The following DAB1 variants were observed in gnomAD, a reference collection of about 807,000 sequenced individuals.
DAB1 encodes DAB adaptor protein 1, also known as disabled homolog 1.
DAB1 carries 15 observed loss-of-function variants against 64.6 expected under a neutral mutation model. The observed-to-expected ratio is 0.23, with a 90% confidence interval of 0.16 to 0.36. The LOEUF is 0.36. DAB1 is among the 10% of genes least tolerant of loss of function. The probability of loss-of-function intolerance (pLI) is 1.00; values close to 1 mark genes in which losing one functional copy is unlikely to be tolerated. For missense variants in DAB1, 596 were observed against 706.7 expected, an observed-to-expected ratio of 0.84 and a Z score of 1.78; for synonymous variants, 235 against 251.9, an observed-to-expected ratio of 0.93 and a Z score of 0.64.
intron 3 of DAB1, among the ~76,000 whole-genome samples, chr1:58,429,374 C>T (rs1175733609): frequency 2.6e-5 from 4 of 152,118 alleles, no homozygotes; most frequent in Non-Finnish European, 5.9e-5. Flanking sequence ...GTATTATGTT[C>T]GAGAGCACTT....
chr1:57,298,303 T>C (rs1570204144), intron 1 of DAB1, among the ~76,000 whole-genome samples: 1 of 152,230 alleles, frequency 6.6e-6, no homozygotes, highest in East Asian at 1.9e-4. Flanking sequence ...GTGTGAAAGG[T>C]ACAAGTGCTA....
intron 5 of DAB1, among the ~76,000 whole-genome samples, chr1:58,075,330 A>AG (rs1426949018): frequency 6.6e-6 from 1 of 152,182 alleles, no homozygotes; most frequent in African/African-American, 2.4e-5. Context: ...TCCCCGTGAA[A>AG]GATAAGTGTG....
chr1:57,998,018 AAAG>A (rs1274319166), intron 5 of DAB1, among the ~76,000 whole-genome samples: 1 of 152,146 alleles, frequency 6.6e-6, no homozygotes, highest in Non-Finnish European at 1.5e-5. Context: ...CCTGTCTTCT[AAAG>A]AATAAAGGTA....
At chr1:58,208,237 G>A (rs1468383222) in intron 4 of DAB1, among the ~76,000 whole-genome samples, 6 of 152,106 alleles carry the variant, frequency 3.9e-5, no homozygotes, top group African/African-American at 9.7e-5. Context: ...AGTGGAATTC[G>A]AATTCAATCT....
chr1:58,145,379 G>A (rs1390303564), intron 5 of DAB1, among the ~76,000 whole-genome samples: 1 of 152,200 alleles, frequency 6.6e-6, no homozygotes, highest in Non-Finnish European at 1.5e-5. Flanking sequence ...ACGCATCTCT[G>A]TCTCGGTTTC....
chr1:57,668,094 T>C (rs1008090044), intron 6 of DAB1, among the ~76,000 whole-genome samples: 6 of 152,148 alleles, frequency 3.9e-5, no homozygotes, highest in African/African-American at 1.4e-4. Context: ...TTTTTACTTT[T>C]AATTTTAATT....
chr1:57,727,356 G>A (rs772362233), intron 6 of DAB1, among the ~76,000 whole-genome samples: 5 of 152,306 alleles, frequency 3.3e-5, no homozygotes, highest in African/African-American at 7.2e-5. Context: ...AACTTTGTGG[G>A]CACCCACAGG....
intron 7 of DAB1, among the ~76,000 whole-genome samples, chr1:57,571,156 C>G (rs981495631): frequency 5.9e-5 from 9 of 152,168 alleles, no homozygotes; most frequent in African/African-American, 2.4e-5. Context: ...AAAAGAGTGA[C>G]AGTTTGACTT....
intron 14 of DAB1, among the ~76,000 whole-genome samples, chr1:56,999,974 A>G (rs1645785194): frequency 6.6e-6 from 1 of 151,786 alleles, no homozygotes; most frequent in Non-Finnish European, 1.5e-5. Context: ...GTCTGATGAC[A>G]GAAAAGTACG....
intron 2 of DAB1, among the ~76,000 whole-genome samples, chr1:58,507,809 A>G (rs1646012879): frequency 6.6e-6 from 1 of 152,182 alleles, no homozygotes; most frequent in Non-Finnish European, 1.5e-5. Context: ...CACATTCACA[A>G]TAAAAATACA....
intron 5 of DAB1, among the ~76,000 whole-genome samples, chr1:58,007,807 C>CA (rs2100421358): frequency 1.3e-5 from 2 of 152,086 alleles, no homozygotes; most frequent in Admixed American, 6.5e-5. Context: ...ATAGACAGTG[C>CA]AAAAAAATAC....
chr1:58,348,150 A>C (rs966612479), intron 3 of DAB1, among the ~76,000 whole-genome samples: 41 of 152,182 alleles, frequency 2.7e-4, no homozygotes, highest in African/African-American at 9.9e-4. Context: ...GAACCAACCA[A>C]CATGGGACCT....
At chr1:58,135,334 T>C (rs1033117011) in intron 5 of DAB1, among the ~76,000 whole-genome samples, 2 of 152,238 alleles carry the variant, frequency 1.3e-5, no homozygotes, top group Non-Finnish European at 2.9e-5. Context: ...GAGGTTATTA[T>C]AGACAATCAA....
chr1:57,930,810 G>T (rs1486954411), intron 5 of DAB1, among the ~76,000 whole-genome samples: 1 of 152,024 alleles, frequency 6.6e-6, no homozygotes, highest in Non-Finnish European at 1.5e-5. Flanking sequence ...TCCAAACAAA[G>T]ACAGTTCTTT....
chr1:58,082,636 A>G (rs993500156), intron 5 of DAB1, among the ~76,000 whole-genome samples: 36 of 152,112 alleles, frequency 2.4e-4, no homozygotes, highest in African/African-American at 8.7e-4. Flanking sequence ...TTCCCCTGAC[A>G]TGACCCTTGG....
chr1:57,640,206 G>A (rs776725120), intron 7 of DAB1, among the ~76,000 whole-genome samples: 1 of 152,138 alleles, frequency 6.6e-6, no homozygotes, highest in Non-Finnish European at 1.5e-5. Flanking sequence ...TGCCAAAAAG[G>A]AAGTTGAAAT....
intron 6 of DAB1, among the ~76,000 whole-genome samples, chr1:57,751,714 G>A (rs138866508): frequency 3.9e-4 from 60 of 152,190 alleles, no homozygotes; most frequent in African/African-American, 1.4e-3. Flanking sequence ...GACAATTATC[G>A]GGGGCAGTTA....
rs779589162 is a variant in DAB1 at position 58,523,596 on chromosome 1, T to C, written n.107+3665A>G. Among the ~76,000 whole-genome samples the C allele has an allele frequency of 5.5e-4, 84 of 152,188 alleles. 1 individual carries two copies. Among genetic ancestry groups the C allele is most frequent in the Middle Eastern group, 6.8e-3 (2 of 294 alleles). On this transcript the variant is annotated intron_variant and non_coding_transcript_variant, in intron 2 of 20. Coordinates refer to the DAB1 transcript ENST00000485760. ...TCCAGGTGACCAGAGGAATTGAGAA[T>C]GTAAAAAGAACTGGCAGTCCTGGCC...
chr1:57,444,075 C>T (rs902404402), intron 7 of DAB1, among the ~76,000 whole-genome samples: 3 of 152,232 alleles, frequency 2.0e-5, no homozygotes, highest in Admixed American at 2.0e-4. Flanking sequence ...CAGTGGCTCT[C>T]ATTTACTTCA....
Sources: allele counts gnomAD v4.1 joint callset (sites outside exome capture counted in the v4.1 genomes callset), GRCh38; gene constraint gnomAD v4.1.1; transcripts MANE v1.5; gene names NCBI Gene and HGNC (gene_info 2026-07-23, HGNC 2026-07-21).